The following ELOVL7 variants were observed in gnomAD, a reference collection of about 807,000 sequenced individuals.
ELOVL7 encodes ELOVL fatty acid elongase 7.
A neutral mutation model predicts 35.7 loss-of-function variants in ELOVL7; 27 were observed. The observed-to-expected ratio is 0.76, with a 90% CI of 0.56 to 1.04. ELOVL7 has a LOEUF of 1.04. Among genes scored for constraint, ELOVL7 ranks in the 50% least tolerant of loss-of-function variants. ELOVL7 has a pLI of 0.00. For synonymous variants in ELOVL7, 113 were observed against 114.6 expected (o/e 0.99, Z 0.09); for missense variants, 327 against 340.8 (o/e 0.96, Z 0.32).
chr5:60,782,621 C>A (rs1320537360), intron 3 of ELOVL7, among the ~76,000 whole-genome samples: 3 of 152,184 alleles, frequency 2.0e-5, no homozygotes, highest in Non-Finnish European at 4.4e-5. Context: ...TATTATTCAG[C>A]CTTCAAAAAG....
At chr5:60,793,245 G>A (rs1744048221) in intron 2 of ELOVL7, among the ~76,000 whole-genome samples, 1 of 152,094 alleles carries the variant, frequency 6.6e-6, no homozygotes, top group African/African-American at 2.4e-5. Flanking sequence ...TCATATTTGG[G>A]TAACATGAAC....
intron 3 of ELOVL7, among the ~76,000 whole-genome samples, chr5:60,772,868 G>A (rs1248076095): frequency 6.6e-6 from 1 of 152,126 alleles, no homozygotes; most frequent in African/African-American, 2.4e-5. Context: ...AAAAAAGTTT[G>A]TGTTTGCTGC....
At chr5:60,765,652 TG>T (rs758766048) in intron 6 of ELOVL7, among the ~76,000 whole-genome samples, 1 of 151,778 alleles carries the variant, frequency 6.6e-6, no homozygotes, top group Non-Finnish European at 1.5e-5. Flanking sequence ...ACTCTGGGGG[TG>T]GGGGTCGAGG....
At chr5:60,791,359 T>A (rs1743926024) in intron 2 of ELOVL7, among the ~76,000 whole-genome samples, 1 of 152,020 alleles carries the variant, frequency 6.6e-6, no homozygotes. Context: ...CACTGGGGAC[T>A]TCAAAATGGG....
At chr5:60,756,687 T>C (rs557391782) in intron 8 of ELOVL7, among the ~76,000 whole-genome samples, 1 of 152,250 alleles carries the variant, frequency 6.6e-6, no homozygotes, top group East Asian at 1.9e-4. Flanking sequence ...CCAAATTTCA[T>C]GTAGGAAGTT....
At chr5:60,831,354 AAATT>A (rs1385248187) in intron 1 of ELOVL7, among the ~76,000 whole-genome samples, 2 of 152,204 alleles carry the variant, frequency 1.3e-5, no homozygotes, top group African/African-American at 4.8e-5. Flanking sequence ...ATCCCTTTCT[AAATT>A]AATAGCTTTT....
Position 60,777,742 on chromosome 5 carries a change from T to A in ELOVL7, c.65-5649A>T, listed in dbSNP as rs909584504. 5.8e-4 allele frequency among the ~76,000 whole-genome samples: 88 copies of A among 151,888 alleles called. 1 individual carries two copies. Among genetic ancestry groups the A allele is most frequent in the African/African-American group, 2.1e-3 (87 of 41,382 alleles). Reference sequence around the variant, plus strand: ...GAAGGAATTACTGAAGGAAAAAACATAAAAACCAAAAAGGAACAGCTAGAG... The same window carrying A: ...GAAGGAATTACTGAAGGAAAAAACAAAAAAACCAAAAAGGAACAGCTAGAG... On this transcript the variant is annotated intron_variant, in intron 3 of 8. Transcript: ENST00000508821.
At position 60,754,706 on chromosome 5, in the gene ELOVL7, T is replaced by C. The variant is rs1741428234; in HGVS notation, c.764A>G (p.His255Arg). ...TTTGGTGTAAGCACGGTACCAAAAA[T>C]GGAGAAAGAGCAGCAGAAACATGAA... is the stretch of plus-strand genomic sequence containing the variant. ...YSFMFLLLFL[H>R]FWYRAYTKGQ... is the part of the protein sequence containing the mutation. The change falls in exon 9 of 9, where the codon CAT (histidine) becomes CGT (arginine). Residue 255 changes from histidine (H) to arginine (R), a missense_variant. By Grantham distance (29) the His-to-Arg change is conservative (BLOSUM62 0). Transcript: ENST00000508821. The C allele has an allele frequency of 1.9e-6, 3 of 1,614,112 alleles. No homozygotes were observed. Among genetic ancestry groups the C allele is most frequent in the Non-Finnish European group, 2.5e-6 (3 of 1,180,020 alleles).
intron 7 of ELOVL7, 104 bp downstream of exon 7, chr5:60,764,123 T>C: frequency 1.3e-6 from 1 of 751,982 alleles, no homozygotes; most frequent in Non-Finnish European, 2.3e-6. Context: ...AGTGACTCTT[T>C]GATTTTTTTG....
chr5:60,814,016 T>C (rs1745383252), intron 1 of ELOVL7, among the ~76,000 whole-genome samples: 1 of 152,182 alleles, frequency 6.6e-6, no homozygotes, highest in Non-Finnish European at 1.5e-5. Flanking sequence ...TCTGCTTTCA[T>C]ACATTAACCA....
chr5:60,825,841 G>A (rs1746139084), intron 1 of ELOVL7, among the ~76,000 whole-genome samples: 1 of 152,158 alleles, frequency 6.6e-6, no homozygotes, highest in Non-Finnish European at 1.5e-5. Context: ...TTCTCTTTTG[G>A]TCAGTAACCA....
chr5:60,799,128 A>G (rs1034122712), intron 2 of ELOVL7, 52 bp downstream of exon 2: 1 of 152,198 alleles, frequency 6.6e-6, no homozygotes, highest in African/African-American at 2.4e-5. Flanking sequence ...AAAAGAAATC[A>G]AAAGGGAAAT....
At chr5:60,785,294 C>A (rs769932429) in intron 3 of ELOVL7, among the ~76,000 whole-genome samples, 3 of 152,178 alleles carry the variant, frequency 2.0e-5, no homozygotes, top group Non-Finnish European at 4.4e-5. Context: ...TTTTACTCAG[C>A]AATTTCAATG....
chr5:60,808,021 A>AAAAAAAAAAG (rs1745041452), intron 1 of ELOVL7, among the ~76,000 whole-genome samples: 4 of 136,718 alleles, frequency 2.9e-5, no homozygotes, highest in Non-Finnish European at 1.6e-5. Flanking sequence ...AAAAAAAAAA[A>AAAAAAAAAAG]GAATAAAATG....
intron 3 of ELOVL7, among the ~76,000 whole-genome samples, chr5:60,784,817 C>A (rs1743472833): frequency 6.6e-6 from 1 of 152,044 alleles, no homozygotes; most frequent in Non-Finnish European, 1.5e-5. Context: ...TATCTCAAAA[C>A]AAAACATTTT....
intron 1 of ELOVL7, among the ~76,000 whole-genome samples, chr5:60,817,738 T>C (rs1179900540): frequency 2.0e-5 from 3 of 148,148 alleles, no homozygotes; most frequent in South Asian, 2.1e-4. Context: ...ACCATATATA[T>C]ACACACACAC....
intron 7 of ELOVL7, among the ~76,000 whole-genome samples, chr5:60,759,396 T>C (rs970600799): frequency 6.6e-6 from 1 of 152,052 alleles, no homozygotes; most frequent in African/African-American, 2.4e-5. Flanking sequence ...ACACCTTTTC[T>C]AGGTTAATTT....
At chr5:60,828,149 T>A (rs1746282379) in intron 1 of ELOVL7, among the ~76,000 whole-genome samples, 1 of 152,150 alleles carries the variant, frequency 6.6e-6, no homozygotes, top group Non-Finnish European at 1.5e-5. Context: ...CAAGCTGGAA[T>A]TCCTGCTTGT....
At chr5:60,822,860 T>C (rs535422596) in intron 1 of ELOVL7, among the ~76,000 whole-genome samples, 1 of 152,048 alleles carries the variant, frequency 6.6e-6, no homozygotes, top group South Asian at 2.1e-4. Context: ...CAGGGATGAA[T>C]AGGGTCAAAT....
Sources: allele counts gnomAD v4.1 joint callset (sites outside exome capture counted in the v4.1 genomes callset), GRCh38; gene constraint gnomAD v4.1.1; transcripts MANE v1.5; gene names NCBI Gene and HGNC (gene_info 2026-07-23, HGNC 2026-07-21).